The following OSBPL10 variants were observed in gnomAD, a reference collection of about 807,000 sequenced individuals.
OSBPL10 encodes the protein oxysterol-binding protein-related protein 10.
OSBPL10 carries 49 observed loss-of-function variants against 81.7 expected under a neutral mutation model. The observed-to-expected ratio is 0.60, with a 90% CI of 0.48 to 0.76. The LOEUF (loss-of-function observed/expected upper bound fraction) is 0.76. Ranked by LOEUF, OSBPL10 falls within the 30% of genes least tolerant of loss-of-function variation. The pLI is 0.00. For synonymous variants in OSBPL10, 419 were observed against 383.6 expected (o/e 1.09, Z -1.08); for missense variants, 923 against 987.8 (o/e 0.93, Z 0.88).
chr3:31,980,790 G>C (rs1698813275), intron 1 of OSBPL10, 109 bp downstream of exon 1: 2 of 1,314,802 alleles, frequency 1.5e-6, no homozygotes, highest in African/African-American at 1.5e-5. Flanking sequence ...GTTCGCTGAA[G>C]GCACAATCGC....
chr3:31,710,630 A>G (rs1249499593), intron 6 of OSBPL10: 1 of 152,282 alleles, frequency 6.6e-6, no homozygotes, highest in African/African-American at 2.4e-5. Context: ...AACACAAAGC[A>G]GCAAGTGCAG....
At chr3:32,002,230 A>C (rs1031722328) in intron 2 of OSBPL10, among the ~76,000 whole-genome samples, 4 of 152,188 alleles carry the variant, frequency 2.6e-5, no homozygotes, top group Admixed American at 1.3e-4. Flanking sequence ...TGCTATGATG[A>C]ATTGCTGTCC....
At chr3:31,992,022 A>T (rs1389736965) in intron 2 of OSBPL10, among the ~76,000 whole-genome samples, 1 of 151,842 alleles carries the variant, frequency 6.6e-6, no homozygotes, top group Non-Finnish European at 1.5e-5. Flanking sequence ...GGCACGCACC[A>T]GTAGTCCCAG....
chr3:31,804,279 C>T (rs1305846517), intron 4 of OSBPL10, among the ~76,000 whole-genome samples: 1 of 152,126 alleles, frequency 6.6e-6, no homozygotes, highest in Non-Finnish European at 1.5e-5. Context: ...CCAATACTAT[C>T]AACATCACAG....
chr3:32,071,709 C>T (rs1699830165), intron 1 of OSBPL10, among the ~76,000 whole-genome samples: 1 of 152,244 alleles, frequency 6.6e-6, no homozygotes, highest in Non-Finnish European at 1.5e-5. Context: ...TTCCTCACAC[C>T]TGACACATAT....
At chr3:31,816,258 T>C (rs549324915) in intron 4 of OSBPL10, among the ~76,000 whole-genome samples, 2 of 152,252 alleles carry the variant, frequency 1.3e-5, no homozygotes, top group Admixed American at 6.5e-5. Context: ...TGTAACACCA[T>C]GTAACTTTCA....
intron 4 of OSBPL10, among the ~76,000 whole-genome samples, chr3:31,790,167 A>C (rs1030961739): frequency 2.6e-5 from 4 of 152,236 alleles, no homozygotes; most frequent in African/African-American, 9.6e-5. Context: ...TCTCACAAGT[A>C]ATTACAGAAA....
At chr3:31,771,077 T>C (rs1698367910) in intron 4 of OSBPL10, among the ~76,000 whole-genome samples, 1 of 152,182 alleles carries the variant, frequency 6.6e-6, no homozygotes, top group African/African-American at 2.4e-5. Flanking sequence ...TCATGAGGAA[T>C]GAATCAGTCC....
chr3:31,879,553 A>T, intron 2 of OSBPL10, 102 bp downstream of exon 2: 4 of 1,258,658 alleles, frequency 3.2e-6, no homozygotes, highest in Non-Finnish European at 4.4e-6. Context: ...AACACAGCAA[A>T]CTGTCAAAGG....
chr3:31,861,461 A>G (rs1367617930), intron 3 of OSBPL10, among the ~76,000 whole-genome samples: 1 of 152,200 alleles, frequency 6.6e-6, no homozygotes, highest in Non-Finnish European at 1.5e-5. Context: ...CATGTTCAAA[A>G]CAGATGCAAT....
chr3:32,005,929 ATTTAT>A (rs1302146819), intron 2 of OSBPL10, among the ~76,000 whole-genome samples: 3 of 150,716 alleles, frequency 2.0e-5, no homozygotes, highest in African/African-American at 7.3e-5. Context: ...TACTTTATTT[ATTTAT>A]TTTATTTTTT....
At chr3:31,664,469 C>T in intron 10 of OSBPL10, 1 of 580,750 alleles carries the variant, frequency 1.7e-6, no homozygotes, top group Non-Finnish European at 3.1e-6. Context: ...TTTCTCAGGG[C>T]CCGGAGATTC....
At chr3:31,801,065 G>T (rs140061263) in intron 4 of OSBPL10, among the ~76,000 whole-genome samples, 1 of 152,170 alleles carries the variant, frequency 6.6e-6, no homozygotes, top group African/African-American at 2.4e-5. Flanking sequence ...TCCAACAGAG[G>T]GACGGGGAGA....
chr3:32,027,327 T>C (rs1374141170), intron 2 of OSBPL10, among the ~76,000 whole-genome samples: 1 of 152,144 alleles, frequency 6.6e-6, no homozygotes, highest in Non-Finnish European at 1.5e-5. Context: ...TTGGCTATAA[T>C]TATGTAGGAA....
chr3:32,044,019 C>G (rs548066521), intron 2 of OSBPL10, among the ~76,000 whole-genome samples: 1 of 151,340 alleles, frequency 6.6e-6, no homozygotes, highest in Admixed American at 6.6e-5. Context: ...TGCTCACTAC[C>G]TATTGGGTAC....
At chr3:31,740,870 T>TATATATATATATATA (rs1553620070) in intron 5 of OSBPL10, among the ~76,000 whole-genome samples, 2 of 149,514 alleles carry the variant, frequency 1.3e-5, no homozygotes, top group South Asian at 2.1e-4. Flanking sequence ...TATATATATG[T>TATATATATATATATA]CATATTTCTT....
chr3:31,793,986 G>A (rs551589836), intron 4 of OSBPL10, among the ~76,000 whole-genome samples: 5 of 152,326 alleles, frequency 3.3e-5, no homozygotes, highest in African/African-American at 1.2e-4. Flanking sequence ...CATGTTGGTT[G>A]GTGTCGAGTG....
rs368722564 is a variant in OSBPL10, at chr3:31,683,809, G to A, written c.1551C>T (p.Ala517=). 460 of 1,614,174 alleles carry A rather than the reference G, an allele frequency of 2.8e-4. 1 individual carries two copies. Among genetic ancestry groups the A allele is most frequent in the Middle Eastern group, 1.2e-3 (7 of 6,062 alleles). ...GTTTGTAGCTTTTGGAAGGGTCATCGGCCATTGGGTGTTCGTGACAGCTGG... is the reference window on the plus strand; with the variant it reads ...GTTTGTAGCTTTTGGAAGGGTCATCAGCCATTGGGTGTTCGTGACAGCTGG... ...SPASCHEHPM[A]DDPSKSYKLR... is the part of the protein sequence containing the mutation. Residue 517 remains alanine, a synonymous_variant, in exon 8 of 12, where the codon GCC becomes GCT. Coordinates refer to ENST00000396556, the MANE Select transcript of OSBPL10 (RefSeq NM_017784.5).
At chr3:31,870,115 G>A (rs1186583713) in intron 3 of OSBPL10, among the ~76,000 whole-genome samples, 3 of 152,236 alleles carry the variant, frequency 2.0e-5, no homozygotes, top group African/African-American at 7.2e-5. Flanking sequence ...GCAGGGAGGT[G>A]TGGAGGGACA....
Sources: gnomAD v4.1 joint callset for allele counts (sites outside exome capture counted in the v4.1 genomes callset) on GRCh38, gnomAD v4.1.1 for gene constraint, MANE v1.5 for transcripts, NCBI Gene and HGNC (gene_info 2026-07-23, HGNC 2026-07-21) for gene names.